The following TIGD4 variants were observed in gnomAD, a reference collection of about 807,000 sequenced individuals.
TIGD4 encodes the protein tigger transposable element-derived protein 4.
TIGD4 carries 20 observed loss-of-function variants against 24.9 expected under a neutral mutation model. The observed-to-expected ratio is 0.80, with a 90% confidence interval of 0.56 to 1.17. The LOEUF (loss-of-function observed/expected upper bound fraction) is 1.17. Ranked by LOEUF, TIGD4 falls within the 50% of genes most tolerant of loss-of-function variation. TIGD4 has a pLI of 0.00. For missense variants in TIGD4, 566 were observed against 591.0 expected, an observed-to-expected ratio of 0.96 and a Z score of 0.44; for synonymous variants, 193 against 211.0, an observed-to-expected ratio of 0.91 and a Z score of 0.74.
Position 152,770,521 on chromosome 4 carries a change from A to C in TIGD4, c.484T>G (p.Trp162Gly). ...TGVPVDPSTV[W>G]YQNVLPYYLN... Reference sequence around the variant, plus strand: ...TAATAAGGAAGTACATTTTGGTACCAGACAGTCGAAGGGTCTACTGGTACA... The same window carrying C: ...TAATAAGGAAGTACATTTTGGTACCCGACAGTCGAAGGGTCTACTGGTACA... The change falls in exon 2 of 2, where the codon TGG (tryptophan) becomes GGG (glycine). Residue 162 changes from tryptophan (W) to glycine (G), a missense_variant. Physicochemically the swap from Trp to Gly is radical, Grantham distance 184. Coordinates refer to ENST00000304337, the MANE Select transcript of TIGD4 (RefSeq NM_145720.4). 1 of 1,613,010 alleles carries C rather than the reference A, an allele frequency of 6.2e-7. No individual in the cohort carries two copies. Among genetic ancestry groups the C allele is most frequent in the Non-Finnish European group, 8.5e-7 (1 of 1,179,502 alleles).
chr4:152,773,642 TAAAAAAAAAAAA>T (rs71598212), intron 1 of TIGD4, among the ~76,000 whole-genome samples: 13 of 82,150 alleles, frequency 1.6e-4, no homozygotes, highest in Admixed American at 1.5e-3. Flanking sequence ...TCCAATGCCT[TAAAAAAAAAAAA>T]AAAAAAAAAA....
At chr4:152,774,591 A>G (rs1255206115) in intron 1 of TIGD4, among the ~76,000 whole-genome samples, 1 of 152,250 alleles carries the variant, frequency 6.6e-6, no homozygotes, top group African/African-American at 2.4e-5. Flanking sequence ...TCTACATGTT[A>G]GGGAATATTT....
intron 1 of TIGD4, among the ~76,000 whole-genome samples, chr4:152,776,330 A>T (rs1221865551): frequency 9.9e-5 from 15 of 152,192 alleles, no homozygotes; most frequent in Admixed American, 9.2e-4. Context: ...AAATAAGTTC[A>T]GTTTTTTCCT....
intron 1 of TIGD4, among the ~76,000 whole-genome samples, chr4:152,773,045 G>A (rs1414145312): frequency 6.6e-6 from 1 of 152,162 alleles, no homozygotes; most frequent in Non-Finnish European, 1.5e-5. Context: ...CTTAAGCCAT[G>A]AGAACAGTCA....
intron 1 of TIGD4, among the ~76,000 whole-genome samples, chr4:152,774,701 CCTA>C (rs1730233447): frequency 1.3e-5 from 2 of 152,148 alleles, no homozygotes; most frequent in Admixed American, 1.3e-4. Flanking sequence ...AATGGTCAAT[CCTA>C]CTATTAATAA....
chr4:152,769,360 G>A lies in TIGD4; in HGVS notation c.*106C>T, dbSNP rs113546498. 1.4e-4 allele frequency: 111 copies of A among 778,470 alleles called. No homozygotes were observed. Among genetic ancestry groups the A allele is most frequent in the Non-Finnish European group, 2.0e-4 (105 of 537,686 alleles). The allele number at this position is 778,470 out of a possible 1,614,324, so 48.2% of individuals were successfully genotyped here. ...TTTGCAATTAAACCAAGGATTAGCA[G>A]TTTTCCATTTTTTATGTTTAAGTGG... On this transcript the variant is annotated 3_prime_UTR_variant, in exon 2 of 2. Transcript: ENST00000304337.
At chr4:152,775,212 G>A (rs1381181325) in intron 1 of TIGD4, among the ~76,000 whole-genome samples, 2 of 152,122 alleles carry the variant, frequency 1.3e-5, no homozygotes, top group African/African-American at 4.8e-5. Context: ...ACCATGCCCG[G>A]CCTATATCAA....
At position 152,769,474 on chromosome 4, in the gene TIGD4, G is replaced by A. The variant is rs747257535; in HGVS notation, c.1531C>T (p.Pro511Ser). The change falls in exon 2 of 2, where the codon CCT becomes TCT. Residue 511 changes from proline to serine, a missense_variant. Pro to Ser is a moderately conservative substitution (Grantham distance 74, BLOSUM62 -1). Coordinates refer to ENST00000304337, the MANE Select transcript of TIGD4 (RefSeq NM_145720.4). ...AGATGTACAATACATAGTTACTTAG[G>A]TGATAAAGAGTTAATAAAATTTTCA... ...DLENFINSLS[P>S]K 5.2e-6 allele frequency: 8 copies of A among 1,527,620 alleles called. 1 individual carries two copies. The South Asian group carries it at 9.0e-5, about 17-fold the overall frequency. 94.6% of individuals were successfully genotyped at this position (1,527,620 alleles called of 1,614,324 possible). A position where few individuals can be genotyped will look rare whatever the true frequency, so the allele number is the denominator to read the frequency against.
rs577382751 is a variant in TIGD4, at chr4:152,775,650, G to C, written c.-539+3832C>G. On this transcript the variant is annotated intron_variant, in intron 1 of 1. Coordinates refer to ENST00000304337, the MANE Select transcript of TIGD4 (RefSeq NM_145720.4). ...AGCAATGGAGAACATTCCTCCTGTA[G>C]AGTCTCTTTCACACTTTGAATCTCT... is the stretch of plus-strand genomic sequence containing the variant. 2.6e-5 allele frequency among the ~76,000 whole-genome samples: 4 copies of C among 152,200 alleles called. No individual in the cohort carries two copies. In the East Asian group the frequency reaches 7.7e-4, roughly 29 times the overall value.
chr4:152,771,778 T>C (rs572351850), intron 1 of TIGD4, among the ~76,000 whole-genome samples: 1 of 152,224 alleles, frequency 6.6e-6, no homozygotes, highest in South Asian at 2.1e-4. Flanking sequence ...CTTTATAATA[T>C]ATAGTTCTGA....
intron 1 of TIGD4, among the ~76,000 whole-genome samples, chr4:152,773,940 C>G (rs910492928): frequency 6.6e-6 from 1 of 152,038 alleles, no homozygotes; most frequent in Non-Finnish European, 1.5e-5. Context: ...TTTTCAAAGA[C>G]AAAACCAACC....
rs758309233 is a variant in TIGD4 at position 152,769,811 on chromosome 4, C to T, written c.1194G>A (p.Leu398=). 6.2e-7 allele frequency: 1 copy of T among 1,613,310 alleles called. No individual in the cohort carries two copies. The highest frequency in any genetic ancestry group is 1.1e-5 in the South Asian group (1 of 91,050). Residue 398 remains leucine, a synonymous_variant, in exon 2 of 2, where the codon CTG becomes CTA. Transcript: ENST00000304337. ...CCCCCAGAGCATCAGCAACCAAATC[C>T]AGACCAGTATCCTTCTCTGCATTTG... is the stretch of plus-strand genomic sequence containing the variant. The part of the protein sequence containing the change: ...DITNAEKDTG[L]DLVADALGAG...
Position 152,770,069 on chromosome 4 carries a change from A to T in TIGD4, c.936T>A (p.Ser312=). 1 of 1,614,058 alleles carries T rather than the reference A, an allele frequency of 6.2e-7. No homozygotes were observed. Among genetic ancestry groups the T allele is most frequent in the Non-Finnish European group, 8.5e-7 (1 of 1,179,900 alleles). The change falls in exon 2 of 2, where the codon TCT becomes TCA. Residue 312 remains serine (S), a synonymous_variant. Transcript: ENST00000304337. ...IELAFFPSCL[S]SKCIAMKQGV... ...CTTGTTTCATAGCTATACATTTGGA[A>T]GATAAACATGATGGAAAGAATGCTA...
chr4:152,779,550 C>CATCT lies in TIGD4; in HGVS notation c.-611_-608dup, dbSNP rs1196091427. 1 of 152,336 alleles carries CATCT rather than the reference C, an allele frequency of 6.6e-6. No individual in the cohort carries two copies. The highest frequency in any genetic ancestry group is 1.5e-5 in the Non-Finnish European group (1 of 68,148). The allele number at this position is 152,336 out of a possible 1,614,324, so 9.4% of individuals were successfully genotyped here. On this transcript the variant is annotated 5_prime_UTR_variant, in exon 1 of 2. In the 5' UTR this introduces an upstream ATG that the reference lacks. Coordinates refer to ENST00000304337, the MANE Select transcript of TIGD4 (RefSeq NM_145720.4). ...TCTGTGGTAGCGTGGAGGTGAGGTA[C>CATCT]ATCTACCTCCACCCTCCCGGCACCA...
In TIGD4 at chr4:152,773,124, G is replaced by A. The variant is rs367977863; in HGVS notation, c.-538-1582C>T. Among the ~76,000 whole-genome samples, 22 of 152,290 alleles carry A rather than the reference G, an allele frequency of 1.4e-4. 1 individual carries two copies. The highest frequency in any genetic ancestry group is 4.6e-4 in the African/African-American group (19 of 41,552). On this transcript the variant is annotated intron_variant, in intron 1 of 1. Coordinates refer to ENST00000304337, the MANE Select transcript of TIGD4 (RefSeq NM_145720.4). ...CTCCCTTATCAGAATCTGTGGGGCA[G>A]CCAAGATAATAACAAGCTAATTTGA... is the stretch of plus-strand genomic sequence containing the variant.
chr4:152,777,700 A>G (rs994768849), intron 1 of TIGD4, among the ~76,000 whole-genome samples: 5 of 151,806 alleles, frequency 3.3e-5, no homozygotes, highest in Admixed American at 1.3e-4. Flanking sequence ...AAAAAGGAAG[A>G]GAGGGAGAGA....
Position 152,770,081 on chromosome 4 carries a change from T to C in TIGD4, c.924A>G (p.Pro308=). 3 of 1,614,062 alleles carry C rather than the reference T, an allele frequency of 1.9e-6. No homozygotes were observed. The highest frequency in any genetic ancestry group is 1.1e-5 in the South Asian group (1 of 91,070). The part of the protein sequence containing the change: ...NLKSIELAFF[P]SCLSSKCIAM... ...CTATACATTTGGAAGATAAACATGA[T>C]GGAAAGAATGCTAACTCAATGGATT... Residue 308 remains proline (P), a synonymous_variant, in exon 2 of 2, where the codon CCA becomes CCG. Coordinates refer to ENST00000304337, the MANE Select transcript of TIGD4 (RefSeq NM_145720.4).
At chr4:152,775,158 G>A (rs373735209) in intron 1 of TIGD4, among the ~76,000 whole-genome samples, 87 of 152,192 alleles carry the variant, frequency 5.7e-4, no homozygotes, top group African/African-American at 2.0e-3. Flanking sequence ...TTCGTGATCC[G>A]TTCACCTTGG....
rs112197567 is a variant in TIGD4, at chr4:152,770,824, C to T, written c.181G>A (p.Asp61Asn). Residue 61 changes from aspartate (D) to asparagine (N), a missense_variant, in exon 2 of 2, where the codon GAC (aspartate) becomes AAC (asparagine). Transcript: ENST00000304337. ...NSLSSIMKNK[D>N]KVLEAFESLR... ...GATTCAAAGGCTTCTAGAACTTTGT[C>T]TTTATTCTTCATAATAGAAGACAAT... The T allele has an allele frequency of 1.2e-5, 20 of 1,612,626 alleles. No individual in the cohort carries two copies. The African/African-American group carries it at 1.9e-4, about 15-fold the overall frequency.
Sources: allele counts gnomAD v4.1 joint callset (sites outside exome capture counted in the v4.1 genomes callset), GRCh38; gene constraint gnomAD v4.1.1; transcripts MANE v1.5; gene names NCBI Gene and HGNC (gene_info 2026-07-23, HGNC 2026-07-21).